The following WWOX variants were observed in gnomAD, a reference collection of about 807,000 sequenced individuals.
WWOX encodes WW domain-containing oxidoreductase.
A neutral mutation model predicts 46.2 loss-of-function variants in WWOX; 69 were observed. That is an observed-to-expected ratio of 1.49 (90% CI 1.23 to 1.82). The LOEUF (loss-of-function observed/expected upper bound fraction) is 1.82, where lower values mean the gene tolerates loss of function less well. Among genes scored for constraint, WWOX ranks in the 40% most tolerant of loss-of-function variants. WWOX has a pLI of 0.00. For missense variants in WWOX, 919 were observed against 542.6 expected, an observed-to-expected ratio of 1.69 and a Z score of -6.89; for synonymous variants, 359 against 202.6, an observed-to-expected ratio of 1.77 and a Z score of -6.56.
At chr16:78,751,840 G>C (rs1478455995) in intron 8 of WWOX, among the ~76,000 whole-genome samples, 6 of 152,052 alleles carry the variant, frequency 3.9e-5, no homozygotes, top group African/African-American at 1.4e-4. Context: ...AGAAAGGAAG[G>C]AGGGAGGGAA....
chr16:78,671,269 C>G (rs1017733739), intron 8 of WWOX, among the ~76,000 whole-genome samples: 2 of 151,932 alleles, frequency 1.3e-5, no homozygotes, highest in African/African-American at 2.4e-5. Flanking sequence ...CAAAAAATAC[C>G]AAAAAATGAG....
chr16:78,217,263 C>T (rs780564574), intron 5 of WWOX, among the ~76,000 whole-genome samples: 1 of 152,160 alleles, frequency 6.6e-6, no homozygotes, highest in Non-Finnish European at 1.5e-5. Flanking sequence ...GCCTGCCTTG[C>T]AGGATATGTG....
intron 8 of WWOX, among the ~76,000 whole-genome samples, chr16:79,114,987 A>AT (rs1291542259): frequency 1.3e-5 from 2 of 152,222 alleles, no homozygotes; most frequent in African/African-American, 4.8e-5. Flanking sequence ...CCACAGGAAC[A>AT]TTGCAATAAG....
At chr16:79,183,710 C>T (rs900683952) in intron 8 of WWOX, among the ~76,000 whole-genome samples, 3 of 152,192 alleles carry the variant, frequency 2.0e-5, no homozygotes, top group Admixed American at 6.5e-5. Flanking sequence ...CCATTACCTA[C>T]GGAGGTGGTT....
At chr16:78,973,566 CA>C (rs1180119485) in intron 8 of WWOX, among the ~76,000 whole-genome samples, 2 of 151,918 alleles carry the variant, frequency 1.3e-5, no homozygotes, top group Non-Finnish European at 2.9e-5. Flanking sequence ...TTTTTGGGGG[CA>C]GGGGGCACAG....
chr16:78,982,108 G>T (rs954784482), intron 8 of WWOX, among the ~76,000 whole-genome samples: 1 of 152,080 alleles, frequency 6.6e-6, no homozygotes, highest in South Asian at 2.1e-4. Context: ...GCTAAACTCC[G>T]TGGGGTTTGT....
At chr16:79,019,177 A>G (rs1307165056) in intron 8 of WWOX, among the ~76,000 whole-genome samples, 2 of 53,812 alleles carry the variant, frequency 3.7e-5, no homozygotes, top group African/African-American at 1.5e-4. Context: ...AAAAAAAAAA[A>G]AAAAAAAAGA....
intron 6 of WWOX, among the ~76,000 whole-genome samples, chr16:78,391,693 C>A (rs559683195): frequency 4.6e-5 from 7 of 152,204 alleles, no homozygotes; most frequent in African/African-American, 1.7e-4. Flanking sequence ...ACTAAAAATA[C>A]AAAAATTAGC....
chr16:79,048,846 C>T (rs890910494), intron 8 of WWOX, among the ~76,000 whole-genome samples: 1 of 152,112 alleles, frequency 6.6e-6, no homozygotes, highest in African/African-American at 2.4e-5. Context: ...CCTGATGTTC[C>T]GGGCTCAGCT....
intron 5 of WWOX, among the ~76,000 whole-genome samples, chr16:78,289,111 TG>T (rs2079818558): frequency 6.6e-6 from 1 of 152,174 alleles, no homozygotes; most frequent in East Asian, 1.9e-4. Flanking sequence ...CTGGAAGTCT[TG>T]CTGGGAACCT....
intron 8 of WWOX, among the ~76,000 whole-genome samples, chr16:78,813,219 A>C (rs1049780222): frequency 9.2e-5 from 14 of 151,884 alleles, no homozygotes; most frequent in Non-Finnish European, 1.9e-4. Flanking sequence ...TCATAGCGTT[A>C]CCTACCTCAC....
In WWOX at chr16:78,706,965, A is replaced by G. The variant is rs73571494; in HGVS notation, c.1056+274213A>G. On this transcript the variant is annotated intron_variant, in intron 8 of 8. Transcript: ENST00000566780. ...GGCATCAGCCGTCATGCCTGGCACAAACTGCCTTTGGAAGTGAATCAGTCA... is the reference window on the plus strand; with the variant it reads ...GGCATCAGCCGTCATGCCTGGCACAGACTGCCTTTGGAAGTGAATCAGTCA... Among the ~76,000 whole-genome samples the G allele has an allele frequency of 6.7e-3, 1,020 of 152,288 alleles. 8 individuals carry two copies. Among genetic ancestry groups the G allele is most frequent in the African/African-American group, 0.023 (965 of 41,554 alleles).
intron 8 of WWOX, among the ~76,000 whole-genome samples, chr16:78,979,016 G>A (rs1031007653): frequency 4.0e-5 from 6 of 151,202 alleles, no homozygotes; most frequent in Non-Finnish European, 5.9e-5. Flanking sequence ...GACCAGCATC[G>A]ACCTTCATCA....
intron 5 of WWOX, among the ~76,000 whole-genome samples, chr16:78,231,313 A>T (rs1351315708): frequency 1.3e-5 from 2 of 152,186 alleles, no homozygotes; most frequent in African/African-American, 4.8e-5. Flanking sequence ...CAGTGTCCAT[A>T]AAAAAATGTA....
At chr16:78,613,463 C>T (rs2045947107) in intron 8 of WWOX, among the ~76,000 whole-genome samples, 1 of 152,144 alleles carries the variant, frequency 6.6e-6, no homozygotes, top group South Asian at 2.1e-4. Flanking sequence ...CTACCTCTGG[C>T]AGAATCGCTG....
chr16:78,372,174 C>T (rs1377267476), intron 5 of WWOX, among the ~76,000 whole-genome samples: 4 of 152,208 alleles, frequency 2.6e-5, no homozygotes, highest in African/African-American at 7.2e-5. Flanking sequence ...GTTCTCACAT[C>T]TGGACAACAA....
At chr16:78,883,751 G>A (rs2044392885) in intron 8 of WWOX, among the ~76,000 whole-genome samples, 1 of 151,030 alleles carries the variant, frequency 6.6e-6, no homozygotes, top group Admixed American at 6.6e-5. Context: ...AAAAAGTAAT[G>A]CAATAAGCGT....
chr16:78,301,032 C>G (rs547488925), intron 5 of WWOX, among the ~76,000 whole-genome samples: 58 of 152,086 alleles, frequency 3.8e-4, no homozygotes, highest in Non-Finnish European at 6.9e-4. Context: ...ATCCATCCAT[C>G]CATCCATCAT....
chr16:78,643,963 C>T (rs770175281), intron 8 of WWOX, among the ~76,000 whole-genome samples: 1 of 152,172 alleles, frequency 6.6e-6, no homozygotes, highest in African/African-American at 2.4e-5. Flanking sequence ...TGGCTCACGC[C>T]TGTAATCCCA....
Sources: allele counts gnomAD v4.1 joint callset (sites outside exome capture counted in the v4.1 genomes callset), GRCh38; gene constraint gnomAD v4.1.1; transcripts MANE v1.5; gene names NCBI Gene and HGNC (gene_info 2026-07-23, HGNC 2026-07-21).